GNG2: variants seen among roughly 807,000 people sequenced by gnomAD.
The protein encoded by GNG2 is guanine nucleotide-binding protein G(I)/G(S)/G(O) subunit gamma-2.
In GNG2, 5 loss-of-function variants were observed where a neutral mutation model predicts 5.5. The ratio of observed to expected loss-of-function variants is 0.91; its 90% confidence interval spans 0.48 to 1.92. The LOEUF (loss-of-function observed/expected upper bound fraction) is 1.92. Among genes scored for constraint, GNG2 ranks in the 30% most tolerant of loss-of-function variants. The pLI is 0.01. For synonymous variants in GNG2, 28 were observed against 32.0 expected, an observed-to-expected ratio of 0.88 and a Z score of 0.42; for missense variants, 55 against 88.4, an observed-to-expected ratio of 0.62 and a Z score of 1.52.
intron 2 of GNG2, among the ~76,000 whole-genome samples, chr14:51,882,147 G>A (rs540129487): frequency 6.1e-4 from 93 of 152,236 alleles, no homozygotes; most frequent in Middle Eastern, 6.8e-3. Context: ...CTGGGTACAG[G>A]GTTTCCTTCC....
intron 2 of GNG2, among the ~76,000 whole-genome samples, chr14:51,853,063 T>A (rs1011764103): frequency 6.6e-6 from 1 of 152,222 alleles, no homozygotes; most frequent in Non-Finnish European, 1.5e-5. Context: ...TTTTTGGTAA[T>A]ATTTTAAGCA....
At chr14:51,914,395 T>C (rs1886481166) in intron 2 of GNG2, 2 of 637,536 alleles carry the variant, frequency 3.1e-6, no homozygotes, top group East Asian at 2.8e-5. Context: ...CTGAATCTTC[T>C]TGAAGGATCC....
chr14:51,844,804 C>T lies in GNG2; in HGVS notation c.64+16997C>T, dbSNP rs143288120. 6.6e-5 allele frequency among the ~76,000 whole-genome samples: 10 copies of T among 152,260 alleles called. No homozygotes were observed. In the East Asian group the frequency reaches 1.9e-3, roughly 29 times the overall value. ...GCAATGGCATGATCTTGGCTCACTG[C>T]AACCTCTGCCTCCCAGGTTCAAGTG... is the stretch of plus-strand genomic sequence containing the variant. On this transcript the variant is annotated intron_variant, in intron 2 of 3. Coordinates refer to the GNG2 transcript ENST00000553432.
At chr14:51,965,285 A>G (rs1889828422) in intron 3 of GNG2, among the ~76,000 whole-genome samples, 1 of 152,212 alleles carries the variant, frequency 6.6e-6, no homozygotes, top group African/African-American at 2.4e-5. Flanking sequence ...ATATCCTTTC[A>G]GTAGTTACTT....
intron 2 of GNG2, among the ~76,000 whole-genome samples, chr14:51,920,850 G>A (rs1886975914): frequency 6.6e-6 from 1 of 152,106 alleles, no homozygotes. Context: ...CAACTGTTGG[G>A]GCCATGGAAA....
At position 51,861,906 on chromosome 14, in the gene GNG2, TGAAA is replaced by T. The variant is rs1882514103; in HGVS notation, c.-71+1118_-71+1121del. Among the ~76,000 whole-genome samples, 5 of 152,272 alleles carry T rather than the reference TGAAA, an allele frequency of 3.3e-5. No individual in the cohort carries two copies. The South Asian group carries it at 8.3e-4, about 25-fold the overall frequency. On this transcript the variant is annotated intron_variant, in intron 1 of 3. Coordinates refer to ENST00000556766, the MANE Select transcript of GNG2 (RefSeq NM_053064.5). ...GGTTTTTCTTCTAGAGTTTCTATAA[TGAAA>T]GGAGATAATTTTTCAAAAGAAAGAG...
chr14:51,872,863 T>C (rs1883404144), intron 1 of GNG2, among the ~76,000 whole-genome samples: 1 of 152,248 alleles, frequency 6.6e-6, no homozygotes, highest in Non-Finnish European at 1.5e-5. Flanking sequence ...AAAAACATCT[T>C]GGTATTAAGA....
intron 2 of GNG2, among the ~76,000 whole-genome samples, chr14:51,878,224 T>C (rs938364163): frequency 4.6e-5 from 7 of 152,230 alleles, no homozygotes; most frequent in Non-Finnish European, 7.3e-5. Context: ...CCTAGACAGG[T>C]GATAACGTGT....
chr14:51,850,426 C>T (rs528728301), intron 2 of GNG2, among the ~76,000 whole-genome samples: 1 of 152,306 alleles, frequency 6.6e-6, no homozygotes, highest in South Asian at 2.1e-4. Flanking sequence ...TTCCTGAAAT[C>T]TACCAAGTGT....
At chr14:51,948,679 T>C (rs1282987058) in intron 2 of GNG2, among the ~76,000 whole-genome samples, 2 of 152,230 alleles carry the variant, frequency 1.3e-5, no homozygotes, top group Admixed American at 6.5e-5. Context: ...TAATACTTGT[T>C]AAAGTCTCCT....
chr14:51,931,192 G>C (rs578155699), intron 2 of GNG2, among the ~76,000 whole-genome samples: 18 of 152,282 alleles, frequency 1.2e-4, no homozygotes, highest in African/African-American at 4.3e-4. Flanking sequence ...CGAGGATAAG[G>C]GGTTGGATTC....
intron 2 of GNG2, among the ~76,000 whole-genome samples, chr14:51,834,104 C>T (rs1352275215): frequency 6.6e-6 from 1 of 152,240 alleles, no homozygotes; most frequent in Non-Finnish European, 1.5e-5. Flanking sequence ...GGGATGTTGC[C>T]TTCATTCAGT....
rs1178280388 is a variant in GNG2 at position 51,967,597 on chromosome 14, A to G, written c.*910A>G. ...AAAATTGAGATTACTTCAGAGCCTT[A>G]GCCACACCTAAAATACCTCCTAGTT... is the stretch of plus-strand genomic sequence containing the variant. On this transcript the variant is annotated 3_prime_UTR_variant, in exon 4 of 4. Transcript: ENST00000556766. The G allele has an allele frequency of 6.6e-6, 1 of 152,170 alleles. No homozygotes were observed. Among genetic ancestry groups the G allele is most frequent in the African/African-American group, 2.4e-5 (1 of 41,434 alleles). The allele number at this position is 152,170 out of a possible 1,614,324, so 9.4% of individuals were successfully genotyped here. A position where few individuals can be genotyped will look rare whatever the true frequency, so the allele number is the denominator to read the frequency against.
intron 2 of GNG2, among the ~76,000 whole-genome samples, chr14:51,883,560 T>A (rs1023084583): frequency 3.3e-5 from 5 of 151,356 alleles, no homozygotes; most frequent in Admixed American, 2.0e-4. Context: ...GTGTTTAAAA[T>A]TGAGAATTTA....
intron 1 of GNG2, among the ~76,000 whole-genome samples, chr14:51,866,780 C>A (rs1298647769): frequency 3.3e-5 from 5 of 152,212 alleles, no homozygotes; most frequent in African/African-American, 1.2e-4. Context: ...AAGGTGGCCT[C>A]ATGTCCTAAT....
intron 2 of GNG2, among the ~76,000 whole-genome samples, chr14:51,926,366 C>T (rs1887319602): frequency 6.6e-6 from 1 of 152,136 alleles, no homozygotes; most frequent in African/African-American, 2.4e-5. Context: ...CTAAACAAGT[C>T]ATAGAAACTA....
chr14:51,965,125 C>G (rs1889821147), intron 3 of GNG2, among the ~76,000 whole-genome samples: 3 of 152,196 alleles, frequency 2.0e-5, no homozygotes, highest in African/African-American at 7.2e-5. Context: ...TCACATCTCT[C>G]TGGCCAGAGC....
intron 2 of GNG2, among the ~76,000 whole-genome samples, chr14:51,889,797 T>G (rs1271391606): frequency 6.6e-6 from 1 of 152,180 alleles, no homozygotes; most frequent in Non-Finnish European, 1.5e-5. Context: ...TGCCGTACTG[T>G]TTTGGTTTAT....
intron 1 of GNG2, among the ~76,000 whole-genome samples, chr14:51,872,528 T>C (rs1278246456): frequency 6.6e-6 from 1 of 152,204 alleles, no homozygotes; most frequent in African/African-American, 2.4e-5. Context: ...GTTAGGACTC[T>C]GAACTGCAGG....
Sources: allele counts gnomAD v4.1 joint callset (sites outside exome capture counted in the v4.1 genomes callset), GRCh38; gene constraint gnomAD v4.1.1; transcripts MANE v1.5; gene names NCBI Gene and HGNC (gene_info 2026-07-23, HGNC 2026-07-21).